Variants in GRIP1 observed in about 807,000 individuals in gnomAD.
GRIP1 encodes glutamate receptor-interacting protein 1.
In GRIP1, 45 loss-of-function variants were observed where a neutral mutation model predicts 129.9. That is an observed-to-expected ratio of 0.35 (90% confidence interval 0.27 to 0.44). The LOEUF (loss-of-function observed/expected upper bound fraction) is 0.44. Among genes scored for constraint, GRIP1 ranks in the 20% least tolerant of loss-of-function variants. The pLI is 1.00. For missense variants in GRIP1, 1,196 were observed against 1,396.8 expected (o/e 0.86, Z 2.29); for synonymous variants, 530 against 520.8 (o/e 1.02, Z -0.24).
chr12:66,608,124 T>C (rs945652023), intron 1 of GRIP1, among the ~76,000 whole-genome samples: 6 of 152,198 alleles, frequency 3.9e-5, no homozygotes, highest in Non-Finnish European at 8.8e-5. Flanking sequence ...AATTCATTGC[T>C]GGATCAGGCA....
intron 1 of GRIP1, among the ~76,000 whole-genome samples, chr12:66,787,406 A>T (rs773314444): frequency 2.0e-5 from 3 of 152,172 alleles, no homozygotes; most frequent in Non-Finnish European, 4.4e-5. Context: ...TCAAAAGAAG[A>T]TGTTATCCTG....
intron 15 of GRIP1, among the ~76,000 whole-genome samples, chr12:66,416,308 CAA>C (rs1359665067): frequency 6.6e-6 from 1 of 151,894 alleles, no homozygotes; most frequent in East Asian, 1.9e-4. Context: ...CAAAAAAGAA[CAA>C]AGACTTCAAA....
At chr12:66,788,202 C>CA (rs977846692) in intron 1 of GRIP1, among the ~76,000 whole-genome samples, 5 of 151,114 alleles carry the variant, frequency 3.3e-5, no homozygotes, top group African/African-American at 4.9e-5. Context: ...CACTGAGACT[C>CA]TTTTTTGTTA....
chr12:66,794,395 A>T (rs1407712074), intron 1 of GRIP1, among the ~76,000 whole-genome samples: 1 of 152,184 alleles, frequency 6.6e-6, no homozygotes, highest in Non-Finnish European at 1.5e-5. Flanking sequence ...TCACAAAAGG[A>T]CACTGTATGT....
At chr12:66,910,462 C>T (rs2041010183) in intron 1 of GRIP1, among the ~76,000 whole-genome samples, 1 of 152,096 alleles carries the variant, frequency 6.6e-6, no homozygotes. Context: ...GTATGACCAC[C>T]AAATCTGTAT....
chr12:66,484,258 A>T (rs1221170315), intron 7 of GRIP1, among the ~76,000 whole-genome samples: 1 of 152,182 alleles, frequency 6.6e-6, no homozygotes, highest in Non-Finnish European at 1.5e-5. Flanking sequence ...GCACAATATT[A>T]GGATTGTAAG....
intron 1 of GRIP1, among the ~76,000 whole-genome samples, chr12:66,924,048 T>C (rs1023990733): frequency 2.3e-4 from 35 of 152,232 alleles, no homozygotes; most frequent in Admixed American, 6.5e-4. Flanking sequence ...TTTCGCCATG[T>C]TGGCCAGGCT....
chr12:66,407,418 TATC>T (rs1385267106), intron 15 of GRIP1: 3 of 152,222 alleles, frequency 2.0e-5, no homozygotes, highest in Non-Finnish European at 4.4e-5. Flanking sequence ...TTTAACTTCA[TATC>T]ATTGAAAGAG....
intron 1 of GRIP1, among the ~76,000 whole-genome samples, chr12:66,913,504 C>T (rs2137322968): frequency 6.6e-6 from 1 of 152,166 alleles, no homozygotes; most frequent in East Asian, 1.9e-4. Context: ...CAAAGATCTT[C>T]CAACTGAAAT....
At chr12:66,807,183 C>G (rs952020342), upstream of GRIP1, among the ~76,000 whole-genome samples, 2 of 152,112 alleles carry the variant, frequency 1.3e-5, no homozygotes, top group African/African-American at 4.8e-5. Context: ...TTCCTGGGTC[C>G]ATATTTCTTG....
At chr12:66,880,562 ATTTAT>A (rs371934596) in intron 1 of GRIP1, among the ~76,000 whole-genome samples, 8 of 152,236 alleles carry the variant, frequency 5.3e-5, no homozygotes, top group Non-Finnish European at 1.0e-4. Flanking sequence ...TGGACTCTTT[ATTTAT>A]TTTAAAATTA....
chr12:66,968,798 T>C (rs896148242), intron 1 of GRIP1, among the ~76,000 whole-genome samples: 9 of 152,124 alleles, frequency 5.9e-5, no homozygotes, highest in Non-Finnish European at 1.3e-4. Flanking sequence ...TTACCTTAAA[T>C]TTATTCCTTC....
intron 1 of GRIP1, among the ~76,000 whole-genome samples, chr12:66,813,563 T>A (rs894154112): frequency 6.6e-6 from 1 of 152,070 alleles, no homozygotes; most frequent in African/African-American, 2.4e-5. Flanking sequence ...TGGGGAGAGC[T>A]GAGAAAACAT....
chr12:66,897,721 T>C (rs1215297483), intron 1 of GRIP1, among the ~76,000 whole-genome samples: 1 of 152,252 alleles, frequency 6.6e-6, no homozygotes, highest in African/African-American at 2.4e-5. Flanking sequence ...GCCTCAGGCA[T>C]ACCGTGTTTA....
At chr12:66,808,527 G>A (rs1253230046), upstream of GRIP1, among the ~76,000 whole-genome samples, 1 of 152,044 alleles carries the variant, frequency 6.6e-6, no homozygotes, top group Middle Eastern at 3.2e-3. Flanking sequence ...TCAAACTCCT[G>A]ACCTTGTGAT....
rs113626060 is a variant in GRIP1 at position 66,602,126 on chromosome 12, G to C, written c.56-5199C>G. 4.4e-3 allele frequency among the ~76,000 whole-genome samples: 676 copies of C among 152,248 alleles called. 4 individuals carry two copies. The highest frequency in any genetic ancestry group is 0.016 in the African/African-American group (649 of 41,542). On this transcript the variant is annotated intron_variant, in intron 1 of 24. Coordinates refer to ENST00000359742, the MANE Select transcript of GRIP1 (RefSeq NM_001366722.1). ...GCCATTTTAGGCTTTCAGATAACAT[G>C]GTAGTTTTGTGTGGTGGGGAGCCAT...
At chr12:66,862,930 T>C (rs777928539) in intron 1 of GRIP1, among the ~76,000 whole-genome samples, 6 of 152,058 alleles carry the variant, frequency 3.9e-5, no homozygotes, top group Non-Finnish European at 7.4e-5. Context: ...TTAAATGATA[T>C]AATGATGAAA....
intron 1 of GRIP1, among the ~76,000 whole-genome samples, chr12:67,006,563 G>A (rs1052778832): frequency 6.6e-6 from 1 of 152,084 alleles, no homozygotes; most frequent in East Asian, 1.9e-4. Context: ...CTCCAGCCTA[G>A]GCAACAAAGC....
At chr12:66,838,901 CTT>C (rs1379697594) in intron 1 of GRIP1, among the ~76,000 whole-genome samples, 2 of 152,122 alleles carry the variant, frequency 1.3e-5, no homozygotes, top group East Asian at 3.9e-4. Flanking sequence ...CAATTTTAAA[CTT>C]AGCGCTGAAA....
Sources: allele counts gnomAD v4.1 joint callset (sites outside exome capture counted in the v4.1 genomes callset), GRCh38; gene constraint gnomAD v4.1.1; transcripts MANE v1.5; gene names NCBI Gene and HGNC (gene_info 2026-07-23, HGNC 2026-07-21).